RBFOX1: variants seen among roughly 807,000 people sequenced by gnomAD.
The protein encoded by RBFOX1 is RNA binding protein fox-1 homolog 1.
RBFOX1 carries 8 observed loss-of-function variants against 57.7 expected under a neutral mutation model. The ratio of observed to expected loss-of-function variants is 0.14; its 90% CI spans 0.08 to 0.25. The LOEUF (loss-of-function observed/expected upper bound fraction) is 0.25. Ranked by LOEUF, RBFOX1 falls within the 10% of genes least tolerant of loss-of-function variation. RBFOX1 has a pLI of 1.00. For synonymous variants in RBFOX1, 326 were observed against 222.4 expected, an observed-to-expected ratio of 1.47 and a Z score of -4.15; for missense variants, 611 against 548.5, an observed-to-expected ratio of 1.11 and a Z score of -1.14.
chr16:7,085,295 G>T (rs961260505), intron 4 of RBFOX1, among the ~76,000 whole-genome samples: 2 of 152,222 alleles, frequency 1.3e-5, no homozygotes, highest in South Asian at 2.1e-4. Flanking sequence ...CTGCCACTCA[G>T]CACCGGCTCA....
intron 1 of RBFOX1, among the ~76,000 whole-genome samples, chr16:6,091,658 C>T (rs554076018): frequency 5.9e-5 from 9 of 152,228 alleles, no homozygotes; most frequent in African/African-American, 1.4e-4. Context: ...GGGGAAACCC[C>T]ATCTTTACTA....
At chr16:7,069,696 G>A (rs760104455) in intron 4 of RBFOX1, among the ~76,000 whole-genome samples, 4 of 152,118 alleles carry the variant, frequency 2.6e-5, no homozygotes, top group Non-Finnish European at 5.9e-5. Flanking sequence ...TTCCTCATGC[G>A]CTAGAGTAAG....
At chr16:6,671,525 T>C (rs1422322499) in intron 3 of RBFOX1, among the ~76,000 whole-genome samples, 2 of 152,200 alleles carry the variant, frequency 1.3e-5, no homozygotes, top group Admixed American at 6.5e-5. Flanking sequence ...GGAAGGAATT[T>C]AGGACTGAGT....
chr16:6,878,349 G>A (rs2062231645), intron 3 of RBFOX1, among the ~76,000 whole-genome samples: 1 of 152,142 alleles, frequency 6.6e-6, no homozygotes, highest in South Asian at 2.1e-4. Flanking sequence ...GCTGATGCAA[G>A]AGTTTCTAGA....
At chr16:6,819,664 C>G (rs527372490) in intron 3 of RBFOX1, among the ~76,000 whole-genome samples, 3 of 113,910 alleles carry the variant, frequency 2.6e-5, no homozygotes, top group Non-Finnish European at 4.9e-5. Flanking sequence ...AGGATCAAGG[C>G]ATTGCATTCC....
chr16:6,671,419 A>G (rs1182748629), intron 3 of RBFOX1, among the ~76,000 whole-genome samples: 2 of 152,232 alleles, frequency 1.3e-5, no homozygotes, highest in African/African-American at 4.8e-5. Context: ...AGAAATATTC[A>G]TGTTCATATT....
chr16:6,193,330 G>GTCCATATTC (rs1340260644), intron 1 of RBFOX1, among the ~76,000 whole-genome samples: 1 of 113,580 alleles, frequency 8.8e-6, no homozygotes, highest in East Asian at 2.3e-4. Context: ...CAGCCCCAGT[G>GTCCATATTC]TCCATATTCT....
intron 3 of RBFOX1, among the ~76,000 whole-genome samples, chr16:6,758,667 G>C (rs2076168314): frequency 6.6e-6 from 1 of 152,126 alleles, no homozygotes; most frequent in Non-Finnish European, 1.5e-5. Context: ...TTAGTAGCAA[G>C]ACACACCACC....
intron 1 of RBFOX1, among the ~76,000 whole-genome samples, chr16:6,124,588 C>T (rs1162153388): frequency 2.0e-5 from 3 of 152,202 alleles, no homozygotes; most frequent in East Asian, 1.9e-4. Flanking sequence ...TTTAAACCTC[C>T]ACCTCCCAGG....
chr16:6,176,692 A>ATTTTTT (rs71142687), intron 1 of RBFOX1, among the ~76,000 whole-genome samples: 1 of 148,840 alleles, frequency 6.7e-6, no homozygotes, highest in Non-Finnish European at 1.5e-5. Flanking sequence ...TTCTTAGGTC[A>ATTTTTT]TTTTTTTTTT....
chr16:7,472,954 G>T (rs560844597), intron 4 of RBFOX1, among the ~76,000 whole-genome samples: 1 of 151,384 alleles, frequency 6.6e-6, no homozygotes, highest in East Asian at 1.9e-4. Context: ...ACAGGGATTT[G>T]GCTATGCCTT....
chr16:7,487,338 A>T (rs756259283), intron 4 of RBFOX1, among the ~76,000 whole-genome samples: 1 of 152,124 alleles, frequency 6.6e-6, no homozygotes, highest in Admixed American at 6.5e-5. Flanking sequence ...CCTCATACTC[A>T]TCACATGTAT....
intron 4 of RBFOX1, among the ~76,000 whole-genome samples, chr16:7,060,542 C>A (rs914859369): frequency 6.6e-6 from 1 of 152,130 alleles, no homozygotes; most frequent in African/African-American, 2.4e-5. Flanking sequence ...AATGAAATGG[C>A]TTTTAAAGAA....
intron 1 of RBFOX1, among the ~76,000 whole-genome samples, chr16:5,440,224 G>A (rs1237134036): frequency 6.6e-6 from 1 of 152,164 alleles, no homozygotes; most frequent in Admixed American, 6.5e-5. Context: ...CCACAGCCCT[G>A]GTAATTCTAG....
rs148212369 is a variant in RBFOX1 at position 5,919,305 on chromosome 16, C to G, written c.351+51970C>G. 2.6e-3 allele frequency among the ~76,000 whole-genome samples: 390 copies of G among 152,238 alleles called. 2 individuals are homozygous for G. The highest frequency in any genetic ancestry group is 8.7e-3 in the African/African-American group (361 of 41,544). On this transcript the variant is annotated intron_variant, in intron 4 of 19. Coordinates refer to the RBFOX1 transcript ENST00000641259. ...TCATGGTGTCACCCTACTAAAAGCC[C>G]AAAGTGAAACGCAGAGCTGTTGTTT...
Position 5,686,243 on chromosome 16 carries a change from T to C in RBFOX1, c.318+87282T>C, listed in dbSNP as rs574128286. 4.6e-5 allele frequency among the ~76,000 whole-genome samples: 7 copies of C among 152,054 alleles called. No individual in the cohort carries two copies. The South Asian group carries it at 1.2e-3, about 27-fold the overall frequency. Reference sequence around the variant, plus strand: ...CAGCTGCCTGGGGAAGGGGAACAGGTTGGGGTAAATGGAACTGGGCACTGT... The same window carrying C: ...CAGCTGCCTGGGGAAGGGGAACAGGCTGGGGTAAATGGAACTGGGCACTGT... On this transcript the variant is annotated intron_variant, in intron 3 of 19. Transcript: ENST00000641259.
intron 4 of RBFOX1, among the ~76,000 whole-genome samples, chr16:7,232,012 A>G (rs1053689411): frequency 2.0e-5 from 3 of 152,190 alleles, no homozygotes; most frequent in African/African-American, 4.8e-5. Context: ...GTGAATGAAC[A>G]AAATGCCACT....
intron 3 of RBFOX1, among the ~76,000 whole-genome samples, chr16:5,614,998 C>T (rs1160120179): frequency 1.3e-5 from 2 of 152,122 alleles, no homozygotes; most frequent in Non-Finnish European, 2.9e-5. Flanking sequence ...CCCAGATTTC[C>T]ATGATGATGG....
At chr16:7,007,727 C>G (rs17142001) in intron 3 of RBFOX1, among the ~76,000 whole-genome samples, 5,592 of 152,276 alleles carry the variant, frequency 0.037, 251 homozygotes, top group East Asian at 0.19. Flanking sequence ...ACAGGGTAAA[C>G]TCCCATGAAA....
Sources: gnomAD v4.1 joint callset for allele counts (sites outside exome capture counted in the v4.1 genomes callset) on GRCh38, gnomAD v4.1.1 for gene constraint, MANE v1.5 for transcripts, NCBI Gene and HGNC (gene_info 2026-07-23, HGNC 2026-07-21) for gene names.